The following SHISA6 variants were observed in gnomAD, a reference collection of about 807,000 sequenced individuals.
SHISA6 encodes the protein protein shisa-6.
SHISA6 carries 22 observed loss-of-function variants against 47.9 expected under a neutral mutation model. The observed-to-expected ratio is 0.46, with a 90% confidence interval of 0.33 to 0.66. The LOEUF (loss-of-function observed/expected upper bound fraction) is 0.66. Ranked by LOEUF, SHISA6 falls within the 30% of genes least tolerant of loss-of-function variation. The pLI is 0.02. For synonymous variants in SHISA6, 388 were observed against 337.8 expected (o/e 1.15, Z -1.63); for missense variants, 680 against 764.6 (o/e 0.89, Z 1.30).
chr17:11,341,181 C>A (rs555191167), intron 2 of SHISA6, among the ~76,000 whole-genome samples: 14 of 152,132 alleles, frequency 9.2e-5, no homozygotes, highest in Admixed American at 6.5e-4. Context: ...GTTTGTCTCA[C>A]GACTCACAGT....
intron 2 of SHISA6, among the ~76,000 whole-genome samples, chr17:11,277,975 T>C (rs1020496365): frequency 1.3e-5 from 2 of 152,212 alleles, no homozygotes; most frequent in Admixed American, 6.5e-5. Flanking sequence ...AATTAAAATA[T>C]GGGAGTTCTT....
intron 2 of SHISA6, among the ~76,000 whole-genome samples, chr17:11,365,241 G>T (rs1415839568): frequency 1.3e-5 from 2 of 151,896 alleles, no homozygotes; most frequent in African/African-American, 4.8e-5. Flanking sequence ...TTCTATTAAG[G>T]TTGTCCTACA....
At chr17:11,478,873 C>A (rs1272562599) in intron 3 of SHISA6, among the ~76,000 whole-genome samples, 1 of 146,516 alleles carries the variant, frequency 6.8e-6, no homozygotes, top group Non-Finnish European at 1.5e-5. Context: ...CAGCTTTGTT[C>A]TTTTGGCTTA....
At chr17:11,541,754 G>C (rs1201289238) in intron 3 of SHISA6, among the ~76,000 whole-genome samples, 1 of 152,124 alleles carries the variant, frequency 6.6e-6, no homozygotes, top group Non-Finnish European at 1.5e-5. Context: ...AAGCTACCCA[G>C]GGAGTGAGGA....
At chr17:11,544,146 G>C (rs2071860236) in intron 3 of SHISA6, among the ~76,000 whole-genome samples, 1 of 152,040 alleles carries the variant, frequency 6.6e-6, no homozygotes, top group African/African-American at 2.4e-5. Context: ...TTTTTTTCAG[G>C]CTTCAGGGAT....
Position 11,558,317 on chromosome 17 carries a change from G to C in SHISA6, c.*13G>C. 1.3e-6 allele frequency: 2 copies of C among 1,534,902 alleles called. No individual in the cohort carries two copies. Among genetic ancestry groups the C allele is most frequent in the Non-Finnish European group, 1.7e-6 (2 of 1,145,346 alleles). On this transcript the variant is annotated 3_prime_UTR_variant, in exon 6 of 6. Coordinates refer to ENST00000441885, the MANE Select transcript of SHISA6 (RefSeq NM_207386.4). Reference sequence around the variant, plus strand: ...AGTGACCGTGTGACCGGCGGGGCAGGGCCGGGGCTGCTGGGCGTGGCAGAG... The same window carrying C: ...AGTGACCGTGTGACCGGCGGGGCAGCGCCGGGGCTGCTGGGCGTGGCAGAG...
At chr17:11,499,764 C>A (rs1223552361) in intron 3 of SHISA6, among the ~76,000 whole-genome samples, 1 of 148,428 alleles carries the variant, frequency 6.7e-6, no homozygotes, top group Non-Finnish European at 1.5e-5. Context: ...TGCACTGGTG[C>A]AATCTCAGCT....
intron 3 of SHISA6, among the ~76,000 whole-genome samples, chr17:11,541,495 T>G (rs1315895701): frequency 3.3e-5 from 5 of 152,204 alleles, no homozygotes; most frequent in Admixed American, 3.3e-4. Context: ...TTTTCATTTC[T>G]GAAAATGTGT....
intron 3 of SHISA6, among the ~76,000 whole-genome samples, chr17:11,492,213 G>A (rs1408417921): frequency 1.3e-5 from 2 of 152,134 alleles, no homozygotes; most frequent in African/African-American, 4.8e-5. Flanking sequence ...GGAGGATGAA[G>A]TGCTAAAAGG....
intron 2 of SHISA6, among the ~76,000 whole-genome samples, chr17:11,283,968 T>G (rs1278953841): frequency 6.6e-6 from 1 of 152,204 alleles, no homozygotes; most frequent in Non-Finnish European, 1.5e-5. Flanking sequence ...CAGTTCCTTT[T>G]TAGTTCTCCT....
intron 2 of SHISA6, among the ~76,000 whole-genome samples, chr17:11,301,434 G>A (rs1349071044): frequency 6.6e-6 from 1 of 152,114 alleles, no homozygotes; most frequent in Non-Finnish European, 1.5e-5. Context: ...AGGGCCTAAT[G>A]AGCTCTAGTC....
At chr17:11,410,718 T>C (rs765500448) in intron 3 of SHISA6, among the ~76,000 whole-genome samples, 3 of 152,072 alleles carry the variant, frequency 2.0e-5, no homozygotes, top group Non-Finnish European at 2.9e-5. Flanking sequence ...ACTTAGTAGG[T>C]TGTCAAAGTG....
chr17:11,500,347 A>G (rs1048026627), intron 3 of SHISA6, among the ~76,000 whole-genome samples: 4 of 152,222 alleles, frequency 2.6e-5, no homozygotes, highest in African/African-American at 9.6e-5. Context: ...CACAACTCCA[A>G]TGATGCCCTT....
Position 11,428,378 on chromosome 17 carries a change from C to T in SHISA6, c.895+48869C>T, listed in dbSNP as rs575963307. Among the ~76,000 whole-genome samples, 14 of 152,278 alleles carry T rather than the reference C, an allele frequency of 9.2e-5. No homozygotes were observed. The South Asian group carries it at 1.2e-3, about 14-fold the overall frequency. The stretch of plus-strand genomic sequence containing the variant: ...CAAATTTGCAGTCAAAGGAGGAACA[C>T]GTACGTCCTGAAAAGGCCCACTCTG... On this transcript the variant is annotated intron_variant, in intron 3 of 5. Coordinates refer to ENST00000441885, the MANE Select transcript of SHISA6 (RefSeq NM_207386.4).
At chr17:11,354,093 G>GC (rs937230649) in intron 2 of SHISA6, among the ~76,000 whole-genome samples, 2 of 152,104 alleles carry the variant, frequency 1.3e-5, no homozygotes, top group Non-Finnish European at 2.9e-5. Flanking sequence ...ATCCACCCTA[G>GC]CCCCTAGTTG....
At chr17:11,430,937 G>C (rs552394525) in intron 3 of SHISA6, among the ~76,000 whole-genome samples, 1 of 152,336 alleles carries the variant, frequency 6.6e-6, no homozygotes, top group East Asian at 1.9e-4. Context: ...CCTCACATCA[G>C]AGCAGCTTGT....
Position 11,548,440 on chromosome 17 carries a change from C to CATATATATATAT in SHISA6, c.896-3448_896-3437dup, listed in dbSNP as rs10578711. Among the ~76,000 whole-genome samples the CATATATATATAT allele has an allele frequency of 1.8e-3, 261 of 148,628 alleles. 1 individual carries two copies. Among genetic ancestry groups the CATATATATATAT allele is most frequent in the Non-Finnish European group, 3.2e-3 (216 of 67,160 alleles). On this transcript the variant is annotated intron_variant, in intron 3 of 5. Coordinates refer to ENST00000441885, the MANE Select transcript of SHISA6 (RefSeq NM_207386.4). ...AAATGTTATTTATGAATGCATATTTCATATATATATATATATATACATATA... is the reference window on the plus strand; with the variant it reads ...AAATGTTATTTATGAATGCATATTTCATATATATATATATATATATATATATATATACATATA...
chr17:11,372,105 A>G (rs1912647349), intron 2 of SHISA6, among the ~76,000 whole-genome samples: 1 of 152,106 alleles, frequency 6.6e-6, no homozygotes, highest in Non-Finnish European at 1.5e-5. Context: ...TATCTTGGAA[A>G]CCTTCCTACC....
chr17:11,270,513 A>G (rs1340247323), intron 2 of SHISA6, among the ~76,000 whole-genome samples: 1 of 152,170 alleles, frequency 6.6e-6, no homozygotes, highest in Non-Finnish European at 1.5e-5. Context: ...GGGCTCTTAA[A>G]TAGGAGTTGG....
Sources: allele counts gnomAD v4.1 joint callset (sites outside exome capture counted in the v4.1 genomes callset), GRCh38; gene constraint gnomAD v4.1.1; transcripts MANE v1.5; gene names NCBI Gene and HGNC (gene_info 2026-07-23, HGNC 2026-07-21).